Variants in NTRK3 observed in about 807,000 individuals in gnomAD.
NTRK3 encodes the protein neurotrophic receptor tyrosine kinase 3, also known as NT-3 growth factor receptor.
NTRK3 carries 24 observed loss-of-function variants against 91.7 expected under a neutral mutation model. That is an observed-to-expected ratio of 0.26 (90% CI 0.19 to 0.37). The LOEUF is 0.37. Ranked by LOEUF, NTRK3 falls within the 10% of genes least tolerant of loss-of-function variation. The pLI, the probability that NTRK3 is intolerant of heterozygous loss-of-function variation, is 1.00. For missense variants in NTRK3, 880 were observed against 1,068.9 expected (o/e 0.82, Z 2.46); for synonymous variants, 483 against 404.0 (o/e 1.20, Z -2.34).
intron 14 of NTRK3, among the ~76,000 whole-genome samples, chr15:87,948,763 G>A (rs1377317952): frequency 5.9e-5 from 9 of 152,152 alleles, no homozygotes; most frequent in Non-Finnish European, 1.0e-4. Context: ...TGGATTCCAG[G>A]TTGAATGACC....
chr15:88,145,807 C>A (rs548345688), intron 6 of NTRK3, among the ~76,000 whole-genome samples: 1 of 152,134 alleles, frequency 6.6e-6, no homozygotes, highest in Admixed American at 6.5e-5. Flanking sequence ...CCCCCAAGGC[C>A]CTCAGTCAGT....
intron 14 of NTRK3, among the ~76,000 whole-genome samples, chr15:87,986,838 C>A (rs1427735873): frequency 2.0e-5 from 3 of 152,218 alleles, no homozygotes; most frequent in Non-Finnish European, 4.4e-5. Context: ...TTAGGCTTTG[C>A]AAACCATGCA....
chr15:88,002,451 G>A (rs1168698425), intron 14 of NTRK3, among the ~76,000 whole-genome samples: 1 of 152,006 alleles, frequency 6.6e-6, no homozygotes, highest in Non-Finnish European at 1.5e-5. Flanking sequence ...AAGATTGCTA[G>A]GAACTACAGA....
At chr15:88,166,512 A>C (rs565277790) in intron 5 of NTRK3, among the ~76,000 whole-genome samples, 1 of 152,252 alleles carries the variant, frequency 6.6e-6, no homozygotes, top group South Asian at 2.1e-4. Context: ...TTCATAGTTC[A>C]CTGCCCAGGA....
chr15:88,106,688 T>G (rs1025093856), intron 13 of NTRK3, among the ~76,000 whole-genome samples: 10 of 151,364 alleles, frequency 6.6e-5, no homozygotes, highest in Admixed American at 6.5e-4. Flanking sequence ...TCCCAGCACT[T>G]TGGGAGGCCA....
At chr15:88,197,094 CA>C (rs59553739) in intron 3 of NTRK3, among the ~76,000 whole-genome samples, 2,022 of 55,914 alleles carry the variant, frequency 0.036, no homozygotes, top group Non-Finnish European at 0.044. Flanking sequence ...TTGAGCAGGA[CA>C]AAAAAAAAAA....
At chr15:88,199,078 T>C (rs2048070174) in intron 3 of NTRK3, among the ~76,000 whole-genome samples, 1 of 152,144 alleles carries the variant, frequency 6.6e-6, no homozygotes, top group Non-Finnish European at 1.5e-5. Flanking sequence ...AGCCAGGCAC[T>C]GATCCTTAGT....
intron 13 of NTRK3, among the ~76,000 whole-genome samples, chr15:88,034,704 G>A (rs2078915264): frequency 6.6e-6 from 1 of 152,156 alleles, no homozygotes; most frequent in South Asian, 2.1e-4. Context: ...GAACTAAATG[G>A]GAGACTGGTA....
At chr15:88,219,397 T>C (rs1214304731) in intron 3 of NTRK3, among the ~76,000 whole-genome samples, 1 of 152,228 alleles carries the variant, frequency 6.6e-6, no homozygotes, top group East Asian at 1.9e-4. Flanking sequence ...GCAGCTGGAA[T>C]GCTGCAACTG....
chr15:88,000,377 G>A (rs536638228), intron 14 of NTRK3, among the ~76,000 whole-genome samples: 2 of 152,246 alleles, frequency 1.3e-5, no homozygotes, highest in Admixed American at 6.5e-5. Context: ...GTGTATACCA[G>A]GCAGGGTTTT....
At chr15:87,994,529 C>T (rs1230873187) in intron 14 of NTRK3, among the ~76,000 whole-genome samples, 1 of 152,194 alleles carries the variant, frequency 6.6e-6, no homozygotes, top group Non-Finnish European at 1.5e-5. Context: ...GGAACAGATC[C>T]TTCCCTAGTG....
At chr15:88,108,432 T>C (rs533273171) in intron 13 of NTRK3, among the ~76,000 whole-genome samples, 1 of 152,172 alleles carries the variant, frequency 6.6e-6, no homozygotes, top group Non-Finnish European at 1.5e-5. Context: ...CTAAAAAGAA[T>C]AGCCCATATA....
At chr15:88,184,227 C>G (rs1483794485) in exon 4 of NTRK3, 3 of 1,613,974 alleles carry the variant, frequency 1.9e-6, no homozygotes, top group Non-Finnish European at 2.5e-6. Context: ...GTACTCACAG[C>G]TTTTGAAGTC....
At chr15:87,903,357 C>A (rs1032806838) in intron 17 of NTRK3, among the ~76,000 whole-genome samples, 1 of 152,208 alleles carries the variant, frequency 6.6e-6, no homozygotes, top group African/African-American at 2.4e-5. Context: ...GAGACTAGGG[C>A]AACATTCTCA....
intron 3 of NTRK3, among the ~76,000 whole-genome samples, chr15:88,205,242 G>C (rs1367874827): frequency 1.3e-5 from 2 of 152,162 alleles, no homozygotes; most frequent in African/African-American, 2.4e-5. Context: ...CTTAGTGTCC[G>C]TGTGGGGTGA....
chr15:88,083,648 T>A (rs1291956469), intron 13 of NTRK3, among the ~76,000 whole-genome samples: 1 of 152,190 alleles, frequency 6.6e-6, no homozygotes, highest in Non-Finnish European at 1.5e-5. Context: ...ATCTCACATG[T>A]CATTGTGGCT....
intron 10 of NTRK3, among the ~76,000 whole-genome samples, chr15:88,134,631 T>C (rs929291025): frequency 1.3e-5 from 2 of 152,252 alleles, no homozygotes; most frequent in African/African-American, 4.8e-5. Flanking sequence ...TCCTTTGCAA[T>C]GGGAAATCCC....
At chr15:88,201,796 CCT>C (rs2048326522) in intron 3 of NTRK3, among the ~76,000 whole-genome samples, 1 of 152,150 alleles carries the variant, frequency 6.6e-6, no homozygotes, top group African/African-American at 2.4e-5. Context: ...ATGGAAACTG[CCT>C]GTTTGCCAAG....
At chr15:88,021,647 A>G (rs562816389) in intron 14 of NTRK3, among the ~76,000 whole-genome samples, 4 of 152,304 alleles carry the variant, frequency 2.6e-5, no homozygotes, top group African/African-American at 9.6e-5. Flanking sequence ...AAAACAATGA[A>G]TTAAAGGCAG....
Sources: gnomAD v4.1 joint callset for allele counts (sites outside exome capture counted in the v4.1 genomes callset) on GRCh38, gnomAD v4.1.1 for gene constraint, MANE v1.5 for transcripts, NCBI Gene and HGNC (gene_info 2026-07-23, HGNC 2026-07-21) for gene names.